RPN1: variants seen among roughly 807,000 people sequenced by gnomAD.
RPN1 encodes ribophorin I.
A neutral mutation model predicts 55.5 loss-of-function variants in RPN1; 12 were observed. The observed-to-expected ratio is 0.22, with a 90% CI of 0.14 to 0.35. The LOEUF (loss-of-function observed/expected upper bound fraction) is 0.35, where lower values mean the gene tolerates loss of function less well. Among genes scored for constraint, RPN1 ranks in the 10% least tolerant of loss-of-function variants. The pLI is 1.00. For synonymous variants in RPN1, 317 were observed against 305.9 expected, an observed-to-expected ratio of 1.04 and a Z score of -0.38; for missense variants, 679 against 761.3, an observed-to-expected ratio of 0.89 and a Z score of 1.27.
Position 128,650,690 on chromosome 3 carries a change from C to T in RPN1, c.111G>A (p.Lys37=). 1 of 1,571,944 alleles carries T rather than the reference C, an allele frequency of 6.4e-7. No individual in the cohort carries two copies. Among genetic ancestry groups the T allele is most frequent in the Non-Finnish European group, 8.6e-7 (1 of 1,158,618 alleles). ...EAPPLINEDV[K]RTVDLSSHLA... ...GGTGGCTGCTTAGGTCCACTGTGCG[C>T]TTCACGTCCTCATTGATCAGCGGCG... Residue 37 remains lysine, a synonymous_variant, in exon 1 of 10, where the codon AAG becomes AAA. Transcript: ENST00000296255.
At chr3:128,636,897 T>C (rs2069685672) in intron 3 of RPN1, among the ~76,000 whole-genome samples, 1 of 152,124 alleles carries the variant, frequency 6.6e-6, no homozygotes, top group Admixed American at 6.6e-5. Flanking sequence ...AGAGATGGTA[T>C]AGAAGTAGGT....
At chr3:128,629,334 G>C (rs2069625237) in intron 5 of RPN1, among the ~76,000 whole-genome samples, 1 of 152,196 alleles carries the variant, frequency 6.6e-6, no homozygotes. Context: ...GCCGAGGCCT[G>C]TGGATCACCT....
chr3:128,646,244 A>C (rs1440348049), intron 1 of RPN1, among the ~76,000 whole-genome samples: 1 of 145,938 alleles, frequency 6.9e-6, no homozygotes, highest in Non-Finnish European at 1.5e-5. Flanking sequence ...AAAAAAAAAA[A>C]GTCTCATGGG....
At chr3:128,627,844 G>T (rs1378135476) in intron 5 of RPN1, among the ~76,000 whole-genome samples, 1 of 151,476 alleles carries the variant, frequency 6.6e-6, no homozygotes, top group Non-Finnish European at 1.5e-5. Flanking sequence ...GTAAGAAAAT[G>T]AAAACATGCC....
chr3:128,624,024 G>A (rs1258044445), intron 8 of RPN1, among the ~76,000 whole-genome samples: 1 of 150,740 alleles, frequency 6.6e-6, no homozygotes, highest in Non-Finnish European at 1.5e-5. Flanking sequence ...CACACACACA[G>A]TTATTCCTCG....
chr3:128,624,416 G>A (rs1300243103), intron 8 of RPN1, among the ~76,000 whole-genome samples: 1 of 151,866 alleles, frequency 6.6e-6, no homozygotes, highest in African/African-American at 2.4e-5. Flanking sequence ...GGAGGCGGAG[G>A]TTGCAGCAAG....
At chr3:128,620,906 C>T (rs943373366) in intron 9 of RPN1, among the ~76,000 whole-genome samples, 2 of 152,190 alleles carry the variant, frequency 1.3e-5, no homozygotes, top group Non-Finnish European at 2.9e-5. Flanking sequence ...CCTATCATGC[C>T]CCTGGCACAT....
intron 1 of RPN1, among the ~76,000 whole-genome samples, chr3:128,648,654 G>A (rs1223464192): frequency 6.6e-6 from 1 of 152,142 alleles, no homozygotes; most frequent in Non-Finnish European, 1.5e-5. Context: ...ACATCTCCTT[G>A]TTAAGTTTAT....
chr3:128,650,802 A>T lies in RPN1; in HGVS notation c.-2T>A. Reference sequence around the variant, plus strand: ...CAAGCCGGCGGCTGGCGCCTCCATGACCGGGAAGAGCAGTGCGCCAGGGCG... The same window carrying T: ...CAAGCCGGCGGCTGGCGCCTCCATGTCCGGGAAGAGCAGTGCGCCAGGGCG... On this transcript the variant is annotated 5_prime_UTR_variant, in exon 1 of 10. Coordinates refer to ENST00000296255, the MANE Select transcript of RPN1 (RefSeq NM_002950.4). The T allele has an allele frequency of 1.3e-6, 2 of 1,525,718 alleles. No homozygotes were observed. Among genetic ancestry groups the T allele is most frequent in the South Asian group, 2.4e-5 (2 of 82,302 alleles). 94.5% of individuals were successfully genotyped at this position (1,525,718 alleles called of 1,614,324 possible). A position where few individuals can be genotyped will look rare whatever the true frequency, so the allele number is the denominator to read the frequency against.
At chr3:128,650,179 G>A (rs1056265144) in intron 1 of RPN1, among the ~76,000 whole-genome samples, 1 of 152,232 alleles carries the variant, frequency 6.6e-6, no homozygotes, top group African/African-American at 2.4e-5. Context: ...CGTTCTACCG[G>A]CCCGAGGTCT....
rs2069596183 is a variant in RPN1 at position 128,625,907 on chromosome 3, T to C, written c.1242A>G (p.Lys414=). Residue 414 remains lysine (K), a synonymous_variant, in exon 7 of 10, where the codon AAA becomes AAG. Coordinates refer to ENST00000296255, the MANE Select transcript of RPN1 (RefSeq NM_002950.4). ...FGRPVIVAYK[K]NLVEQHIQDI... ...CCTGAATGTGCTGTTCTACCAGATT[T>C]TTCTTGTAGGCAACAATCACAGGGC... The C allele has an allele frequency of 1.9e-6, 3 of 1,613,680 alleles. No homozygotes were observed. The highest frequency in any genetic ancestry group is 2.5e-6 in the Non-Finnish European group (3 of 1,179,764).
intron 7 of RPN1, 66 bp from the exon 8 acceptor site, chr3:128,625,719 G>A: frequency 1.9e-6 from 3 of 1,606,944 alleles, no homozygotes; most frequent in Non-Finnish European, 2.6e-6. Context: ...ACTCACCCAG[G>A]CTGGCCCACT....
intron 1 of RPN1, 145 bp from the exon 2 acceptor site, chr3:128,645,128 A>C (rs2069756828): frequency 3.2e-6 from 2 of 618,346 alleles, no homozygotes; most frequent in African/African-American, 1.9e-5. Context: ...TTTCAGTAAC[A>C]ATTTTTTTTT....
rs567325650 is a variant in RPN1 at position 128,636,989 on chromosome 3, C to A, written c.633+810G>T. On this transcript the variant is annotated intron_variant, in intron 3 of 9. Coordinates refer to ENST00000296255, the MANE Select transcript of RPN1 (RefSeq NM_002950.4). ...CCATGGCTCATGCCTGTAATCCCAGCACTTTGGGAGACAAAGGCAGGAAGA... is the reference window on the plus strand; with the variant it reads ...CCATGGCTCATGCCTGTAATCCCAGAACTTTGGGAGACAAAGGCAGGAAGA... Among the ~76,000 whole-genome samples the A allele has an allele frequency of 1.1e-4, 17 of 152,302 alleles. No individual in the cohort carries two copies. The South Asian group carries it at 3.1e-3, about 28-fold the overall frequency.
Position 128,622,288 on chromosome 3 carries a change from G to A in RPN1, c.1517C>T (p.Ser506Phe), listed in dbSNP as rs777437240. ...ACTGTTGAGGGTGGAGATGTCCCGG[G>A]ATTGCTTGTACCTATTGACGGTCTC... Reference protein sequence around the residue: ...FDETVNRYKQSRDISTLNSGK... With the variant: ...FDETVNRYKQFRDISTLNSGK... The change falls in exon 9 of 10, where the codon TCC becomes TTC. Residue 506 changes from serine to phenylalanine, a missense_variant. By Grantham distance (155) the Ser-to-Phe change is radical (BLOSUM62 -2). Transcript: ENST00000296255. The A allele has an allele frequency of 1.9e-6, 3 of 1,614,114 alleles. No individual in the cohort carries two copies. In the African/African-American group the frequency reaches 4.0e-5, roughly 22 times the overall value.
At chr3:128,643,777 G>A (rs2069746443) in intron 2 of RPN1, among the ~76,000 whole-genome samples, 1 of 151,162 alleles carries the variant, frequency 6.6e-6, no homozygotes, top group Non-Finnish European at 1.5e-5. Flanking sequence ...CCCAGGCAAA[G>A]AGAGCGAAAC....
At position 128,625,646 on chromosome 3, in the gene RPN1, T is replaced by C; in HGVS notation, c.1283A>G (p.Tyr428Cys). The C allele has an allele frequency of 6.2e-7, 1 of 1,614,006 alleles. No individual in the cohort carries two copies. Among genetic ancestry groups the C allele is most frequent in the Non-Finnish European group, 8.5e-7 (1 of 1,180,020 alleles). ...CAGCATGAGCACCTTGTTGAACGTG[T>C]AGTGGACCTGGGAGAAGCAAGAGGA... ...EQHIQDIVVH[Y>C]TFNKVLMLQE... The change falls in exon 8 of 10, where the codon TAC becomes TGC. Residue 428 changes from tyrosine (Y) to cysteine (C), a missense_variant. By Grantham distance (194) the Tyr-to-Cys change is radical (BLOSUM62 -2). Coordinates refer to ENST00000296255, the MANE Select transcript of RPN1 (RefSeq NM_002950.4).
At chr3:128,650,111 T>C (rs1459035593) in intron 1 of RPN1, among the ~76,000 whole-genome samples, 2 of 152,222 alleles carry the variant, frequency 1.3e-5, no homozygotes, top group Non-Finnish European at 2.9e-5. Context: ...AAATGAAGTC[T>C]GGCGCCCGCT....
chr3:128,626,042 TCCAA>T (rs1348507820), intron 6 of RPN1, 30 bp from the exon 7 acceptor site: 13 of 1,569,542 alleles, frequency 8.3e-6, no homozygotes, highest in Non-Finnish European at 1.1e-5. Flanking sequence ...AAATATAGCC[TCCAA>T]CCAACTACAT....
Sources: allele counts gnomAD v4.1 joint callset (sites outside exome capture counted in the v4.1 genomes callset), GRCh38; gene constraint gnomAD v4.1.1; transcripts MANE v1.5; gene names NCBI Gene and HGNC (gene_info 2026-07-23, HGNC 2026-07-21).